Variants in ROBO2 observed in about 807,000 individuals in gnomAD.
ROBO2 encodes the protein roundabout homolog 2.
In ROBO2, 53 loss-of-function variants were observed where a neutral mutation model predicts 160.8. The observed-to-expected ratio is 0.33, with a 90% CI of 0.26 to 0.41. The LOEUF (loss-of-function observed/expected upper bound fraction) is 0.41. Ranked by LOEUF, ROBO2 falls within the 10% of genes least tolerant of loss-of-function variation. The pLI, the probability that ROBO2 is intolerant of heterozygous loss-of-function variation, is 1.00. For synonymous variants in ROBO2, 664 were observed against 611.7 expected, an observed-to-expected ratio of 1.09 and a Z score of -1.26; for missense variants, 1,577 against 1,722.4, an observed-to-expected ratio of 0.92 and a Z score of 1.49.
At chr3:76,717,111 T>C (rs1459231936) in intron 2 of ROBO2, among the ~76,000 whole-genome samples, 1 of 152,230 alleles carries the variant, frequency 6.6e-6, no homozygotes, top group Non-Finnish European at 1.5e-5. Flanking sequence ...AGATTGTTGC[T>C]GTATAATTAC....
intron 1 of ROBO2, among the ~76,000 whole-genome samples, chr3:77,043,238 C>G (rs1028630514): frequency 6.6e-6 from 1 of 152,148 alleles, no homozygotes; most frequent in African/African-American, 2.4e-5. Flanking sequence ...ACTTATTCTT[C>G]TTAGAGGTGT....
intron 2 of ROBO2, among the ~76,000 whole-genome samples, chr3:76,931,206 G>GAA (rs5850303): frequency 6.6e-6 from 1 of 151,660 alleles, no homozygotes; most frequent in Non-Finnish European, 1.5e-5. Flanking sequence ...GTGAAAATTA[G>GAA]AAAAAAAATT....
intron 22 of ROBO2, among the ~76,000 whole-genome samples, chr3:77,621,136 G>A (rs926604817): frequency 1.3e-5 from 2 of 152,094 alleles, no homozygotes; most frequent in African/African-American, 4.8e-5. Flanking sequence ...AAATTCTAAA[G>A]AAGGTTGGGC....
At position 77,360,898 on chromosome 3, in the gene ROBO2, A is replaced by ATTT. The variant is rs113680665; in HGVS notation, c.389-116508_389-116506dup. On this transcript the variant is annotated intron_variant, in intron 2 of 25. Coordinates refer to ENST00000461745, the Ensembl canonical transcript of ROBO2. ...TGGGTGCTAAAATATTTTTGTTTGC[A>ATTT]TTTTTTTTTTCTGGCTACATTAGTT... Among the ~76,000 whole-genome samples, 785 of 149,590 alleles carry ATTT rather than the reference A, an allele frequency of 5.2e-3. 6 individuals are homozygous for ATTT. The highest frequency in any genetic ancestry group is 0.018 in the African/African-American group (750 of 40,902).
chr3:75,929,695 T>G (rs961219627), intron 1 of ROBO2, among the ~76,000 whole-genome samples: 7 of 151,590 alleles, frequency 4.6e-5, no homozygotes, highest in Admixed American at 2.0e-4. Context: ...TCCTGGGCAC[T>G]CTTGTCTTTT....
chr3:76,234,250 C>G (rs1389759041), intron 2 of ROBO2, among the ~76,000 whole-genome samples: 2 of 152,102 alleles, frequency 1.3e-5, no homozygotes, highest in Non-Finnish European at 2.9e-5. Flanking sequence ...TCTTTGCTAT[C>G]ATGAATAGTG....
intron 2 of ROBO2, among the ~76,000 whole-genome samples, chr3:76,187,428 C>T (rs1701817616): frequency 6.9e-6 from 1 of 145,932 alleles, no homozygotes; most frequent in African/African-American, 2.5e-5. Context: ...GTGTGCACCA[C>T]CACACCCAAC....
chr3:77,275,796 G>A (rs1218498614), intron 2 of ROBO2, among the ~76,000 whole-genome samples: 1 of 152,092 alleles, frequency 6.6e-6, no homozygotes. Flanking sequence ...TGTACAATAT[G>A]ATACCAAATA....
chr3:76,726,174 C>T (rs1033737883), intron 2 of ROBO2, among the ~76,000 whole-genome samples: 8 of 152,138 alleles, frequency 5.3e-5, no homozygotes, highest in African/African-American at 1.9e-4. Context: ...CCCTGCATAT[C>T]CATTTCTATA....
chr3:75,975,702 G>A (rs1351721208), intron 2 of ROBO2, among the ~76,000 whole-genome samples: 1 of 151,548 alleles, frequency 6.6e-6, no homozygotes. Context: ...TCAGTAAACA[G>A]GAGATGCTAA....
chr3:76,518,083 G>C (rs2081426218), intron 2 of ROBO2, among the ~76,000 whole-genome samples: 1 of 152,060 alleles, frequency 6.6e-6, no homozygotes, highest in Non-Finnish European at 1.5e-5. Flanking sequence ...AATTACTTAT[G>C]TGAATTGGAA....
chr3:77,188,239 T>C (rs566278727), intron 2 of ROBO2, among the ~76,000 whole-genome samples: 1 of 143,414 alleles, frequency 7.0e-6, no homozygotes, highest in Admixed American at 6.7e-5. Flanking sequence ...AAAAGCCAAC[T>C]AAATGGACTT....
intron 2 of ROBO2, among the ~76,000 whole-genome samples, chr3:76,315,590 G>C (rs1216891467): frequency 6.6e-6 from 1 of 152,150 alleles, no homozygotes; most frequent in East Asian, 1.9e-4. Flanking sequence ...GGAGCTTGTA[G>C]AAGTTTTTTA....
Position 76,396,050 on chromosome 3 carries a change from G to A in ROBO2, c.109+458448G>A, listed in dbSNP as rs559037278. Among the ~76,000 whole-genome samples the A allele has an allele frequency of 2.4e-4, 36 of 152,270 alleles. 1 individual carries two copies. The highest frequency in any genetic ancestry group is 4.3e-4 in the Non-Finnish European group (29 of 68,026). On this transcript the variant is annotated intron_variant, in intron 2 of 26. Transcript: ENST00000487694. ...AGAATTTTAGACCAATAACCTTGAT[G>A]AACATTGATGCAAAAATCCTCAGTA...
intron 2 of ROBO2, among the ~76,000 whole-genome samples, chr3:77,109,197 T>C (rs1158613798): frequency 6.6e-6 from 1 of 152,232 alleles, no homozygotes; most frequent in Non-Finnish European, 1.5e-5. Context: ...TACTGGTCGG[T>C]ACTCACCTAG....
chr3:77,034,786 A>T (rs1285432461), intron 2 of ROBO2, among the ~76,000 whole-genome samples: 1 of 152,104 alleles, frequency 6.6e-6, no homozygotes, highest in African/African-American at 2.4e-5. Flanking sequence ...TTTTTCTATT[A>T]GGATTACAGC....
At chr3:76,407,549 G>A (rs1216549393) in intron 2 of ROBO2, among the ~76,000 whole-genome samples, 8 of 151,908 alleles carry the variant, frequency 5.3e-5, no homozygotes. Context: ...GCCAAAGGAT[G>A]CATCTTACCA....
At chr3:77,493,484 G>A in intron 5 of ROBO2, 102 bp downstream of exon 5, 2 of 1,299,442 alleles carry the variant, frequency 1.5e-6, no homozygotes, top group Non-Finnish European at 1.1e-6. Flanking sequence ...TATGTCTTGG[G>A]GTACTTTCAC....
At chr3:76,780,588 C>T (rs982523940) in intron 2 of ROBO2, among the ~76,000 whole-genome samples, 1 of 150,734 alleles carries the variant, frequency 6.6e-6, no homozygotes, top group Non-Finnish European at 1.5e-5. Context: ...GTCTTTCATC[C>T]ATTTTGAGTT....
Sources: allele counts gnomAD v4.1 joint callset (sites outside exome capture counted in the v4.1 genomes callset), GRCh38; gene constraint gnomAD v4.1.1; transcripts MANE v1.5; gene names NCBI Gene and HGNC (gene_info 2026-07-23, HGNC 2026-07-21).